RPS6KA2: variants seen among roughly 807,000 people sequenced by gnomAD.
RPS6KA2 encodes the protein ribosomal protein S6 kinase A2.
A neutral mutation model predicts 91.8 loss-of-function variants in RPS6KA2; 42 were observed. That is an observed-to-expected ratio of 0.46 (90% CI 0.36 to 0.59). RPS6KA2 has a LOEUF of 0.59. Among genes scored for constraint, RPS6KA2 ranks in the 20% least tolerant of loss-of-function variants. RPS6KA2 has a pLI of 0.00. For missense variants in RPS6KA2, 798 were observed against 978.5 expected (o/e 0.82, Z 2.46); for synonymous variants, 414 against 393.6 (o/e 1.05, Z -0.61).
At chr6:166,862,223 A>C (rs931675523) in exon 1 of RPS6KA2, 17 of 1,612,774 alleles carry the variant, frequency 1.1e-5, no homozygotes, top group Admixed American at 1.7e-5. Context: ...AAAGGAAATA[A>C]ACAGAGGCTC....
chr6:166,848,454 A>G (rs1332276081), intron 2 of RPS6KA2, among the ~76,000 whole-genome samples: 1 of 152,240 alleles, frequency 6.6e-6, no homozygotes, highest in Non-Finnish European at 1.5e-5. Context: ...ATACCCGCAC[A>G]TGCATGTTTA....
intron 2 of RPS6KA2, among the ~76,000 whole-genome samples, chr6:166,840,381 G>A (rs569897737): frequency 1.3e-5 from 2 of 152,288 alleles, no homozygotes; most frequent in African/African-American, 4.8e-5. Flanking sequence ...ACCTCCCCAC[G>A]AGTAGAGCTG....
chr6:166,560,844 A>G (rs898718287), intron 1 of RPS6KA2, among the ~76,000 whole-genome samples: 1 of 152,142 alleles, frequency 6.6e-6, no homozygotes, highest in Admixed American at 6.5e-5. Flanking sequence ...CCCCAAGCAT[A>G]CACCAAAAGA....
At chr6:166,438,513 G>T (rs1779416690) in intron 14 of RPS6KA2, among the ~76,000 whole-genome samples, 2 of 152,206 alleles carry the variant, frequency 1.3e-5, no homozygotes, top group Non-Finnish European at 2.9e-5. Flanking sequence ...GCAAACTAAG[G>T]TACTTTCAAT....
intron 2 of RPS6KA2, among the ~76,000 whole-genome samples, chr6:166,672,829 T>C (rs913727183): frequency 1.3e-5 from 2 of 152,118 alleles, no homozygotes; most frequent in Admixed American, 6.5e-5. Context: ...AGATATTGCC[T>C]CTCCAAAGGG....
chr6:166,801,372 T>G (rs910915921), intron 2 of RPS6KA2, among the ~76,000 whole-genome samples: 2 of 152,116 alleles, frequency 1.3e-5, no homozygotes, highest in African/African-American at 4.8e-5. Context: ...AGATGAGGAC[T>G]CGATCTGGTA....
At position 166,423,220 on chromosome 6, in the gene RPS6KA2, TAG is replaced by T; in HGVS notation, c.1743+34_1743+35del. ...AGGGGGCAGAGCCTGTCTTTGCGGA[TAG>T]AGAGGCCTGGGTCTGCAGTCGGGGA... is the stretch of plus-strand genomic sequence containing the variant. On this transcript the variant is annotated intron_variant, in intron 17 of 20. Transcript: ENST00000265678. This position sits in a 1 kb window ranked among gnomAD's most constrained non-coding sequence, Gnocchi z 4.8. 6.3e-7 allele frequency: 1 copy of T among 1,577,948 alleles called. No homozygotes were observed. Among genetic ancestry groups the T allele is most frequent in the African/African-American group, 1.3e-5 (1 of 74,446 alleles).
rs150095716 is a variant in RPS6KA2, at chr6:166,417,586, G to A, written c.1938+639C>T. 4.3e-3 allele frequency among the ~76,000 whole-genome samples: 645 copies of A among 151,512 alleles called. 2 individuals carry two copies. The highest frequency in any genetic ancestry group is 6.9e-3 in the Non-Finnish European group (469 of 67,978). Reference sequence around the variant, plus strand: ...GACTTCCCCGTCCCCACAATCACGTGAGCCAATTTCTTACAAATAAATCTC... The same window carrying A: ...GACTTCCCCGTCCCCACAATCACGTAAGCCAATTTCTTACAAATAAATCTC... On this transcript the variant is annotated intron_variant, in intron 19 of 20. Coordinates refer to ENST00000265678, the MANE Select transcript of RPS6KA2 (RefSeq NM_021135.6).
chr6:166,660,898 C>T (rs1788145111), intron 2 of RPS6KA2, among the ~76,000 whole-genome samples: 1 of 151,982 alleles, frequency 6.6e-6, no homozygotes. Context: ...GAGTTAATTC[C>T]TTATGGTTTG....
At position 166,648,058 on chromosome 6, in the gene RPS6KA2, TCA is replaced by T. The variant is rs1333563195; in HGVS notation, c.124-109276_124-109275del. Reference sequence around the variant, plus strand: ...CATGCTCTCACACACATGCACATGCTCACACACATGCACACGCACATGGTCAT... The same window carrying T: ...CATGCTCTCACACACATGCACATGCTCACACATGCACACGCACATGGTCAT... On this transcript the variant is annotated intron_variant, in intron 2 of 21. Transcript: ENST00000503859. This position sits in a 1 kb window ranked among gnomAD's most constrained non-coding sequence, Gnocchi z 4.8. 4.4e-5 allele frequency among the ~76,000 whole-genome samples: 6 copies of T among 135,662 alleles called. No individual in the cohort carries two copies. Among genetic ancestry groups the T allele is most frequent in the Non-Finnish European group, 6.3e-5 (4 of 63,372 alleles). The allele number at this position is 135,662 out of a possible 152,430, so 89.0% of individuals were successfully genotyped here.
At chr6:166,583,646 T>C (rs1785087873) in intron 1 of RPS6KA2, among the ~76,000 whole-genome samples, 1 of 152,180 alleles carries the variant, frequency 6.6e-6, no homozygotes, top group African/African-American at 2.4e-5. Context: ...CTAAGCCCAC[T>C]GAATTCCTGA....
intron 1 of RPS6KA2, among the ~76,000 whole-genome samples, chr6:166,578,134 T>C (rs979170252): frequency 7.2e-5 from 11 of 152,150 alleles, no homozygotes; most frequent in Admixed American, 3.3e-4. Context: ...TTCCCAGTCT[T>C]GGGGATGTCT....
At chr6:166,838,805 C>T (rs973204156) in intron 2 of RPS6KA2, among the ~76,000 whole-genome samples, 6 of 137,816 alleles carry the variant, frequency 4.4e-5, no homozygotes, top group East Asian at 1.9e-4. Flanking sequence ...GAATGGTATG[C>T]GGCAAAGGGG....
In RPS6KA2 at chr6:166,449,867, C is replaced by A. The variant is rs539906253; in HGVS notation, c.1207-1018G>T. 3.5e-3 allele frequency among the ~76,000 whole-genome samples: 458 copies of A among 131,274 alleles called. 4 individuals carry two copies. Among genetic ancestry groups the A allele is most frequent in the African/African-American group, 0.011 (419 of 39,314 alleles). 86.1% of individuals were successfully genotyped at this position (131,274 alleles called of 152,430 possible). ...CAACCACGAGGACCACCATGGGAAC[C>A]ACCACGCGGACCACCATGGGACAAC... is the stretch of plus-strand genomic sequence containing the variant. On this transcript the variant is annotated intron_variant, in intron 13 of 20. Coordinates refer to ENST00000265678, the MANE Select transcript of RPS6KA2 (RefSeq NM_021135.6).
chr6:166,612,428 A>G lies in RPS6KA2; in HGVS notation c.99+14493T>C, dbSNP rs1001106777. Among the ~76,000 whole-genome samples, 2 of 152,166 alleles carry G rather than the reference A, an allele frequency of 1.3e-5. No homozygotes were observed. Among genetic ancestry groups the G allele is most frequent in the African/African-American group, 4.8e-5 (2 of 41,446 alleles). ...GAAAGATGGCATGCACCCCTGGGTCACCTGGCAAAGCTATAACACACGGTG... is the reference window on the plus strand; with the variant it reads ...GAAAGATGGCATGCACCCCTGGGTCGCCTGGCAAAGCTATAACACACGGTG... On this transcript the variant is annotated intron_variant, in intron 1 of 20. Transcript: ENST00000265678. The surrounding 1 kb of genome is among the most constrained non-coding windows in gnomAD (Gnocchi z 4.3).
chr6:166,771,494 T>C (rs1778471551), intron 2 of RPS6KA2, among the ~76,000 whole-genome samples: 1 of 152,182 alleles, frequency 6.6e-6, no homozygotes, highest in Non-Finnish European at 1.5e-5. Flanking sequence ...GACCTGAAGA[T>C]TTTACTCAGC....
intron 2 of RPS6KA2, among the ~76,000 whole-genome samples, chr6:166,810,680 C>T (rs1779612799): frequency 1.3e-5 from 2 of 152,134 alleles, no homozygotes; most frequent in Admixed American, 6.5e-5. Context: ...AGTCTAGGTC[C>T]GGATAAAAGC....
rs764101838 is a variant in RPS6KA2, at chr6:166,423,231, G to C, written c.1743+25C>G. On this transcript the variant is annotated intron_variant, in intron 17 of 20. Transcript: ENST00000265678. The surrounding 1 kb of genome is among the most constrained non-coding windows in gnomAD (Gnocchi z 4.8). Reference sequence around the variant, plus strand: ...CCTGTCTTTGCGGATAGAGAGGCCTGGGTCTGCAGTCGGGGAATGCTCACC... The same window carrying C: ...CCTGTCTTTGCGGATAGAGAGGCCTCGGTCTGCAGTCGGGGAATGCTCACC... The C allele has an allele frequency of 6.3e-7, 1 of 1,589,778 alleles. No individual in the cohort carries two copies. The highest frequency in any genetic ancestry group is 1.3e-5 in the African/African-American group (1 of 74,656).
rs1562545134 is a variant in RPS6KA2 at position 166,510,268 on chromosome 6, T to A, written c.379+9A>T. 6.4e-7 allele frequency: 1 copy of A among 1,557,620 alleles called. No individual in the cohort carries two copies. The highest frequency in any genetic ancestry group is 8.8e-7 in the Non-Finnish European group (1 of 1,133,172). On this transcript the variant is annotated intron_variant, in intron 4 of 20. Coordinates refer to ENST00000265678, the MANE Select transcript of RPS6KA2 (RefSeq NM_021135.6). ...GTCCTCTTTAAAGTGTCATTTTGAC[T>A]CTACTTACCATAATGAAGCTTCACA... is the stretch of plus-strand genomic sequence containing the variant.
Sources: gnomAD v4.1 joint callset for allele counts (sites outside exome capture counted in the v4.1 genomes callset) on GRCh38, gnomAD v4.1.1 for gene constraint, Gnocchi (gnomAD v3.1) non-coding constraint, MANE v1.5 for transcripts, NCBI Gene and HGNC (gene_info 2026-07-23, HGNC 2026-07-21) for gene names.